Variants in ELOVL7 observed in about 807,000 individuals in gnomAD.
ELOVL7 encodes ELOVL fatty acid elongase 7, also known as very long chain fatty acid elongase 7.
A neutral mutation model predicts 35.7 loss-of-function variants in ELOVL7; 27 were observed. The ratio of observed to expected loss-of-function variants is 0.76; its 90% CI spans 0.56 to 1.04. The LOEUF is 1.04. ELOVL7 is among the 50% of genes least tolerant of loss of function. The probability of loss-of-function intolerance (pLI) is 0.00; values close to 1 mark genes in which losing one functional copy is unlikely to be tolerated. For missense variants in ELOVL7, 327 were observed against 340.8 expected (o/e 0.96, Z 0.32); for synonymous variants, 113 against 114.6 (o/e 0.99, Z 0.09).
intron 1 of ELOVL7, among the ~76,000 whole-genome samples, chr5:60,842,338 T>C (rs1227476530): frequency 6.6e-6 from 1 of 152,040 alleles, no homozygotes; most frequent in Non-Finnish European, 1.5e-5. Context: ...CATCTGGAGC[T>C]GTTTTGGGGA....
chr5:60,777,323 G>A (rs1333523404), intron 3 of ELOVL7, among the ~76,000 whole-genome samples: 4 of 151,722 alleles, frequency 2.6e-5, no homozygotes, highest in Non-Finnish European at 5.9e-5. Context: ...TTGCATGCCT[G>A]TATCAAAACA....
rs190719696 is a variant in ELOVL7, at chr5:60,800,456, A to C, written c.-85-1226T>G. On this transcript the variant is annotated intron_variant, in intron 1 of 8. Coordinates refer to ENST00000508821, the MANE Select transcript of ELOVL7 (RefSeq NM_024930.3). ...ATCCTTTTATAATAAAAACTCAATG[A>C]ATTCAGTTTAGAAGAAACCTCAAAA... is the stretch of plus-strand genomic sequence containing the variant. Among the ~76,000 whole-genome samples, 6 of 152,332 alleles carry C rather than the reference A, an allele frequency of 3.9e-5. No homozygotes were observed. The East Asian group carries it at 1.2e-3, about 29-fold the overall frequency.
intron 3 of ELOVL7, among the ~76,000 whole-genome samples, chr5:60,774,463 A>C (rs1335795358): frequency 6.6e-6 from 1 of 152,244 alleles, no homozygotes; most frequent in Admixed American, 6.5e-5. Context: ...TCATGATAAA[A>C]ACCCTCAACA....
chr5:60,772,062 G>C lies in ELOVL7; in HGVS notation c.96C>G (p.Ser32=). 1 of 1,611,474 alleles carries C rather than the reference G, an allele frequency of 6.2e-7. No homozygotes were observed. The highest frequency in any genetic ancestry group is 8.5e-7 in the Non-Finnish European group (1 of 1,178,796). Residue 32 remains serine, a synonymous_variant, in exon 4 of 9, where the codon TCC becomes TCG. Transcript: ENST00000508821. ...DPRVEDWLLM[S]SPLPQTILLG... is the part of the protein sequence containing the mutation. Reference sequence around the variant, plus strand: ...GGAGGATGGTTTGTGGCAGAGGCGAGGACATGAGGAGCCAATCTTCAACTC... The same window carrying C: ...GGAGGATGGTTTGTGGCAGAGGCGACGACATGAGGAGCCAATCTTCAACTC...
chr5:60,832,704 G>A (rs990215259), intron 1 of ELOVL7, among the ~76,000 whole-genome samples: 2 of 151,824 alleles, frequency 1.3e-5, no homozygotes, highest in Non-Finnish European at 2.9e-5. Context: ...AAAGCAATGT[G>A]CACTAACTCT....
intron 3 of ELOVL7, among the ~76,000 whole-genome samples, chr5:60,774,214 G>A (rs1024542977): frequency 6.6e-6 from 1 of 151,996 alleles, no homozygotes; most frequent in African/African-American, 2.4e-5. Flanking sequence ...AAAACTACAG[G>A]CCAATATCTC....
At chr5:60,804,676 G>A (rs1396395437) in intron 1 of ELOVL7, among the ~76,000 whole-genome samples, 3 of 152,134 alleles carry the variant, frequency 2.0e-5, no homozygotes, top group Non-Finnish European at 4.4e-5. Context: ...GTCTCGAATA[G>A]AACAAGTGCT....
At chr5:60,814,612 T>C (rs897434921) in intron 1 of ELOVL7, among the ~76,000 whole-genome samples, 1 of 152,200 alleles carries the variant, frequency 6.6e-6, no homozygotes, top group African/African-American at 2.4e-5. Flanking sequence ...CTAGCAGCTC[T>C]TATCAGAGAA....
chr5:60,758,826 T>C (rs111671882), intron 7 of ELOVL7, among the ~76,000 whole-genome samples: 6 of 152,346 alleles, frequency 3.9e-5, no homozygotes, highest in Non-Finnish European at 5.9e-5. Flanking sequence ...CTTAGTAATG[T>C]TGACCTGGAA....
chr5:60,843,909 G>A (rs531224030), intron 1 of ELOVL7, among the ~76,000 whole-genome samples: 2 of 152,188 alleles, frequency 1.3e-5, no homozygotes, highest in African/African-American at 4.8e-5. Flanking sequence ...CGGCGAAAAG[G>A]GCCTCGGTCC....
chr5:60,827,829 G>C (rs564647652), intron 1 of ELOVL7, among the ~76,000 whole-genome samples: 17 of 151,992 alleles, frequency 1.1e-4, no homozygotes, highest in Admixed American at 4.6e-4. Context: ...GACCAGTTTT[G>C]GTACCACAAC....
intron 3 of ELOVL7, chr5:60,785,986 A>C (rs1363292098): frequency 1.3e-5 from 2 of 152,238 alleles, no homozygotes; most frequent in Non-Finnish European, 2.9e-5. Flanking sequence ...GTAGGTGCCA[A>C]GAGGTGTGCA....
At position 60,757,513 on chromosome 5, in the gene ELOVL7, T is replaced by A; in HGVS notation, c.632A>T (p.Gln211Leu). ...TAAAGACAATTAATTACTCACAAGC[T>A]GTAATGATGTCAAATATTTTTTCCA... ...LWWKKYLTSLQLVQFVIVAIH... is the reference protein window; with the variant it reads ...LWWKKYLTSLLLVQFVIVAIH... The change falls in exon 8 of 9, where the codon CAG becomes CTG. Residue 211 changes from glutamine (Q) to leucine (L), a missense_variant. Coordinates refer to ENST00000508821, the MANE Select transcript of ELOVL7 (RefSeq NM_024930.3). 6.2e-7 allele frequency: 1 copy of A among 1,613,254 alleles called. No individual in the cohort carries two copies. Among genetic ancestry groups the A allele is most frequent in the Non-Finnish European group, 8.5e-7 (1 of 1,179,510 alleles).
At chr5:60,811,943 C>T (rs1263743435) in intron 1 of ELOVL7, among the ~76,000 whole-genome samples, 2 of 152,084 alleles carry the variant, frequency 1.3e-5, no homozygotes, top group Admixed American at 6.5e-5. Context: ...ATTCCAGGTA[C>T]AGTCACTCAG....
chr5:60,841,375 G>GAA (rs1389060402), intron 1 of ELOVL7, among the ~76,000 whole-genome samples: 2 of 152,054 alleles, frequency 1.3e-5, no homozygotes, highest in Non-Finnish European at 1.5e-5. Flanking sequence ...AATATGCATA[G>GAA]AAAAAAAGAG....
At chr5:60,812,498 A>T (rs1745292016) in intron 1 of ELOVL7, among the ~76,000 whole-genome samples, 1 of 152,190 alleles carries the variant, frequency 6.6e-6, no homozygotes, top group South Asian at 2.1e-4. Flanking sequence ...ATTGGAAAAA[A>T]AAAGAATAGG....
chr5:60,766,432 A>G (rs1306840173), intron 6 of ELOVL7, 142 bp downstream of exon 6: 3 of 622,376 alleles, frequency 4.8e-6, no homozygotes, highest in Non-Finnish European at 8.4e-6. Context: ...AGATAACAGT[A>G]GGTCTGCCTG....
At chr5:60,757,212 C>T (rs944577836) in intron 8 of ELOVL7, among the ~76,000 whole-genome samples, 9 of 151,978 alleles carry the variant, frequency 5.9e-5, no homozygotes, top group African/African-American at 2.2e-4. Flanking sequence ...AGGTATTATG[C>T]CTATTGAGGG....
rs188349011 is a variant in ELOVL7 at position 60,753,896 on chromosome 5, C to G, written c.*728G>C. 1 of 152,266 alleles carries G rather than the reference C, an allele frequency of 6.6e-6. No homozygotes were observed. Among genetic ancestry groups the G allele is most frequent in the East Asian group, 1.9e-4 (1 of 5,182 alleles). The allele number at this position is 152,266 out of a possible 1,614,324, so 9.4% of individuals were successfully genotyped here. A position where few individuals can be genotyped will look rare whatever the true frequency, so the allele number is the denominator to read the frequency against. The stretch of plus-strand genomic sequence containing the variant: ...CAAAGTATTCATTAACCCATTAAAA[C>G]AAATCACCTTGTTTTGAAAATAATC... On this transcript the variant is annotated 3_prime_UTR_variant, in exon 9 of 9. Transcript: ENST00000508821.
Sources: gnomAD v4.1 joint callset for allele counts (sites outside exome capture counted in the v4.1 genomes callset) on GRCh38, gnomAD v4.1.1 for gene constraint, MANE v1.5 for transcripts, NCBI Gene and HGNC (gene_info 2026-07-23, HGNC 2026-07-21) for gene names.